The following LRP1B variants were observed in gnomAD, a reference collection of about 807,000 sequenced individuals.
LRP1B encodes the protein low-density lipoprotein receptor-related protein 1B.
Under a neutral mutation model 556.6 loss-of-function variants are expected in LRP1B, and 217 were observed. The observed-to-expected ratio is 0.39, with a 90% confidence interval of 0.35 to 0.44. The LOEUF (loss-of-function observed/expected upper bound fraction) is 0.44, where lower values mean the gene tolerates loss of function less well. LRP1B is among the 20% of genes least tolerant of loss of function. The pLI, the probability that LRP1B is intolerant of heterozygous loss-of-function variation, is 1.00. For missense variants in LRP1B, 5,053 were observed against 5,620.8 expected (o/e 0.90, Z 3.23); for synonymous variants, 2,047 against 1,865.8 (o/e 1.10, Z -2.50).
At chr2:140,323,798 A>ATTTACATAGTTAAGATATT (rs1680298909) in intron 81 of LRP1B, 95 bp downstream of exon 81, 1 of 621,680 alleles carries the variant, frequency 1.6e-6, no homozygotes, top group Non-Finnish European at 2.6e-6. Flanking sequence ...AGGTTAAGAC[A>ATTTACATAGTTAAGATATT]TTTACATAGT....
At chr2:141,397,670 T>C (rs936031783) in intron 3 of LRP1B, among the ~76,000 whole-genome samples, 12 of 151,914 alleles carry the variant, frequency 7.9e-5, no homozygotes, top group Non-Finnish European at 1.6e-4. Flanking sequence ...ATAGGTAGGC[T>C]TTCTGAAATA....
chr2:141,268,389 C>G (rs761209811), intron 3 of LRP1B, among the ~76,000 whole-genome samples: 25 of 152,080 alleles, frequency 1.6e-4, no homozygotes, highest in Non-Finnish European at 2.8e-4. Context: ...ATTTCTAATG[C>G]AGTAAAATCT....
At chr2:141,108,741 C>T (rs1470463057) in intron 7 of LRP1B, among the ~76,000 whole-genome samples, 1 of 152,038 alleles carries the variant, frequency 6.6e-6, no homozygotes, top group Admixed American at 6.6e-5. Context: ...TAGAAAAATA[C>T]TAAAAAAGTC....
chr2:140,851,918 T>C (rs1301725868), intron 27 of LRP1B, 135 bp from the exon 28 acceptor site: 8 of 609,190 alleles, frequency 1.3e-5, no homozygotes, highest in African/African-American at 7.7e-5. Flanking sequence ...GGGTGATTAA[T>C]ATGACAATAA....
chr2:141,824,575 G>A (rs1696862287), intron 1 of LRP1B, among the ~76,000 whole-genome samples: 2 of 152,006 alleles, frequency 1.3e-5, no homozygotes, highest in South Asian at 4.1e-4. Context: ...CCGTGGTCTC[G>A]ATCTCCTGAC....
intron 2 of LRP1B, among the ~76,000 whole-genome samples, chr2:141,684,702 G>A (rs1239365970): frequency 2.0e-5 from 3 of 152,084 alleles, no homozygotes; most frequent in African/African-American, 7.2e-5. Context: ...GAAGAAAGAT[G>A]GGATTATTTA....
intron 1 of LRP1B, among the ~76,000 whole-genome samples, chr2:141,864,609 C>T (rs1446844916): frequency 6.6e-6 from 1 of 151,652 alleles, no homozygotes; most frequent in Non-Finnish European, 1.5e-5. Context: ...GCGCCAGGCG[C>T]AGTGGCTCAC....
intron 3 of LRP1B, among the ~76,000 whole-genome samples, chr2:141,301,346 T>A (rs1558991220): frequency 6.6e-6 from 1 of 152,164 alleles, no homozygotes; most frequent in Non-Finnish European, 1.5e-5. Flanking sequence ...GGTAATACAG[T>A]GAATATGTTG....
chr2:141,015,193 C>T (rs946437238), intron 13 of LRP1B, among the ~76,000 whole-genome samples: 13 of 151,976 alleles, frequency 8.6e-5, no homozygotes, highest in African/African-American at 3.1e-4. Flanking sequence ...TTTGCAGTTA[C>T]TCTAGCAAAA....
rs371559576 is a variant in LRP1B, at chr2:140,994,071, G to C, written c.2568C>G (p.His856Gln). Reference protein sequence around the residue: ...KAGEFRCKNRHCIQARWKCDG... With the variant: ...KAGEFRCKNRQCIQARWKCDG... ...CACATTTCCACCGAGCTTGGATACA[G>C]TGTCTGTTTTTGCAGCGAAACTCTC... is the stretch of plus-strand genomic sequence containing the variant. Residue 856 changes from histidine (H) to glutamine (Q), a missense_variant, in exon 16 of 91, where the codon CAC becomes CAG. Around this residue, in one of 5 missense-constraint regions of LRP1B, gnomAD observed 3,619 missense variants for 3,931.9 expected, o/e 0.92. Coordinates refer to ENST00000389484, the MANE Select transcript of LRP1B (RefSeq NM_018557.3). 1.2e-4 allele frequency: 195 copies of C among 1,612,566 alleles called. No homozygotes were observed. The highest frequency in any genetic ancestry group is 3.3e-4 in the Middle Eastern group (2 of 6,074).
intron 35 of LRP1B, among the ~76,000 whole-genome samples, chr2:140,744,922 G>A (rs1374184136): frequency 1.3e-5 from 2 of 152,092 alleles, no homozygotes; most frequent in Non-Finnish European, 2.9e-5. Flanking sequence ...CATACAGTAG[G>A]TGCTCACTAT....
At chr2:141,196,616 G>T (rs184357039) in intron 6 of LRP1B, among the ~76,000 whole-genome samples, 30 of 152,170 alleles carry the variant, frequency 2.0e-4, no homozygotes, top group Non-Finnish European at 1.8e-4. Context: ...ATTGCTTTGT[G>T]TTTCAGCTTT....
At chr2:141,878,239 G>A (rs1050317695) in intron 1 of LRP1B, among the ~76,000 whole-genome samples, 1 of 151,950 alleles carries the variant, frequency 6.6e-6, no homozygotes, top group Non-Finnish European at 1.5e-5. Context: ...ACCACAGCTG[G>A]TGAGTGGGTT....
At chr2:141,889,533 T>A (rs1699220278) in intron 1 of LRP1B, among the ~76,000 whole-genome samples, 1 of 152,122 alleles carries the variant, frequency 6.6e-6, no homozygotes. Flanking sequence ...TTTGGAAATG[T>A]TTGCAAGTAT....
At chr2:141,903,899 G>A (rs2104938840) in intron 1 of LRP1B, among the ~76,000 whole-genome samples, 1 of 151,984 alleles carries the variant, frequency 6.6e-6, no homozygotes, top group East Asian at 1.9e-4. Flanking sequence ...TAATGTTCAA[G>A]TTTCATCATG....
intron 2 of LRP1B, among the ~76,000 whole-genome samples, chr2:141,617,907 CAAAAT>C (rs1447101433): frequency 2.0e-5 from 3 of 151,892 alleles, no homozygotes; most frequent in Non-Finnish European, 2.9e-5. Flanking sequence ...AGGCTTAAAA[CAAAAT>C]AAAACAAGAA....
At chr2:140,281,170 T>G (rs1171111450) in intron 84 of LRP1B, among the ~76,000 whole-genome samples, 1 of 151,928 alleles carries the variant, frequency 6.6e-6, no homozygotes, top group Non-Finnish European at 1.5e-5. Context: ...TAAATATATT[T>G]TCCTTTAATC....
chr2:141,686,571 G>A (rs1398405469), intron 2 of LRP1B, among the ~76,000 whole-genome samples: 1 of 151,910 alleles, frequency 6.6e-6, no homozygotes. Context: ...GCTCACAGTT[G>A]ATCTACTATG....
intron 21 of LRP1B, among the ~76,000 whole-genome samples, chr2:140,917,752 C>T (rs1694620969): frequency 6.6e-6 from 1 of 152,060 alleles, no homozygotes; most frequent in African/African-American, 2.4e-5. Context: ...CTCCTTGATA[C>T]TATAATGATG....
Sources: gnomAD v4.1 joint callset for allele counts (sites outside exome capture counted in the v4.1 genomes callset) on GRCh38, gnomAD v4.1.1 for gene constraint, gnomAD v4.1.1 regional missense constraint, MANE v1.5 for transcripts, NCBI Gene and HGNC (gene_info 2026-07-23, HGNC 2026-07-21) for gene names.